Variants in TTLL1 observed in about 807,000 individuals in gnomAD.
The protein encoded by TTLL1 is polyglutamylase complex subunit TTLL1.
TTLL1 carries 33 observed loss-of-function variants against 47.8 expected under a neutral mutation model. That is an observed-to-expected ratio of 0.69 (90% CI 0.52 to 0.92). The LOEUF is 0.92. Ranked by LOEUF, TTLL1 falls within the 40% of genes least tolerant of loss-of-function variation. The pLI, the probability that TTLL1 is intolerant of heterozygous loss-of-function variation, is 0.00. For synonymous variants in TTLL1, 225 were observed against 214.1 expected, an observed-to-expected ratio of 1.05 and a Z score of -0.45; for missense variants, 488 against 547.5, an observed-to-expected ratio of 0.89 and a Z score of 1.08.
intron 2 of TTLL1, among the ~76,000 whole-genome samples, chr22:43,078,324 C>T (rs1205511714): frequency 5.3e-5 from 8 of 150,530 alleles, no homozygotes; most frequent in African/African-American, 9.8e-5. Context: ...GGGGAAACCC[C>T]GTCTCTACTA....
chr22:43,074,941 C>T (rs1324613553), intron 3 of TTLL1, among the ~76,000 whole-genome samples: 1 of 151,920 alleles, frequency 6.6e-6, no homozygotes, highest in Non-Finnish European at 1.5e-5. Flanking sequence ...TTTGGGAGGC[C>T]GAGGCGGGTG....
At chr22:43,056,284 G>C (rs1926996878) in intron 8 of TTLL1, among the ~76,000 whole-genome samples, 1 of 150,876 alleles carries the variant, frequency 6.6e-6, no homozygotes, top group African/African-American at 2.4e-5. Context: ...GCTTGAACCT[G>C]GGAGGCGGAG....
intron 1 of TTLL1, among the ~76,000 whole-genome samples, chr22:43,088,026 T>C (rs985311675): frequency 3.3e-5 from 5 of 151,000 alleles, no homozygotes; most frequent in African/African-American, 1.2e-4. Context: ...CGCGTGCCTG[T>C]AATCACAGCT....
intron 10 of TTLL1, among the ~76,000 whole-genome samples, chr22:43,041,741 CCT>C (rs1205132927): frequency 2.6e-5 from 4 of 152,058 alleles, no homozygotes; most frequent in Non-Finnish European, 5.9e-5. Flanking sequence ...GCCTCGAACC[CCT>C]GAGCTCAAGC....
intron 1 of TTLL1, among the ~76,000 whole-genome samples, chr22:43,083,023 T>A (rs147860656): frequency 4.9e-5 from 4 of 81,280 alleles, no homozygotes; most frequent in Non-Finnish European, 1.3e-4. Context: ...TCAAAAATAA[T>A]AAAATAATAA....
intron 10 of TTLL1, among the ~76,000 whole-genome samples, chr22:43,041,972 G>C (rs1925718365): frequency 6.6e-6 from 1 of 152,154 alleles, no homozygotes; most frequent in Non-Finnish European, 1.5e-5. Context: ...AAGCCGGACA[G>C]GACACCCCTG....
chr22:43,060,732 T>A (rs1569427235), intron 7 of TTLL1, among the ~76,000 whole-genome samples: 1 of 152,226 alleles, frequency 6.6e-6, no homozygotes, highest in African/African-American at 2.4e-5. Flanking sequence ...ATACAATGCT[T>A]ATCTTTGAAG....
chr22:43,064,269 G>C lies in TTLL1; in HGVS notation c.559C>G (p.Pro187Ala). ...AYVISLYINN[P>A]LLIGGRKFDL... ...AACTTCCTCCCGCCAATTAGTAACG[G>C]GTTGTTAATATAGAGAGAGATCACG... is the stretch of plus-strand genomic sequence containing the variant. Residue 187 changes from proline to alanine, a missense_variant, in exon 6 of 11, where the codon CCG (proline) becomes GCG (alanine). Transcript: ENST00000266254. The C allele has an allele frequency of 6.2e-7, 1 of 1,614,076 alleles. No individual in the cohort carries two copies. The highest frequency in any genetic ancestry group is 8.5e-7 in the Non-Finnish European group (1 of 1,180,010).
intron 1 of TTLL1, among the ~76,000 whole-genome samples, chr22:43,088,877 C>T (rs1929427957): frequency 6.6e-6 from 1 of 152,170 alleles, no homozygotes. Flanking sequence ...GTCCAGTCAT[C>T]TAGAGGGAAG....
intron 1 of TTLL1, among the ~76,000 whole-genome samples, chr22:43,084,995 T>C (rs1295597137): frequency 1.4e-5 from 2 of 138,122 alleles, no homozygotes; most frequent in African/African-American, 5.6e-5. Context: ...TGAGATGGCA[T>C]CTTGCTCTGT....
intron 1 of TTLL1, among the ~76,000 whole-genome samples, chr22:43,082,442 G>T (rs5759149): frequency 1.3e-5 from 2 of 152,046 alleles, no homozygotes; most frequent in African/African-American, 4.8e-5. Context: ...GGCGTGGGGC[G>T]TAGTGGCTCA....
intron 8 of TTLL1, among the ~76,000 whole-genome samples, chr22:43,057,095 C>T (rs1243575856): frequency 1.3e-5 from 2 of 152,136 alleles, no homozygotes; most frequent in East Asian, 3.9e-4. Context: ...CATGGTGAAA[C>T]TCTGTCAGTA....
intron 8 of TTLL1, among the ~76,000 whole-genome samples, chr22:43,053,220 G>A (rs1321934101): frequency 6.6e-6 from 1 of 152,102 alleles, no homozygotes; most frequent in Non-Finnish European, 1.5e-5. Context: ...AGTCAGTGAA[G>A]CATAGAGACG....
In TTLL1 at chr22:43,076,643, C is replaced by T. The variant is rs184289736; in HGVS notation, c.-4-1053G>A. Among the ~76,000 whole-genome samples the T allele has an allele frequency of 2.0e-3, 307 of 150,508 alleles. 2 individuals carry two copies. The highest frequency in any genetic ancestry group is 6.4e-3 in the African/African-American group (261 of 40,900). On this transcript the variant is annotated intron_variant, in intron 2 of 10. Transcript: ENST00000266254. Reference sequence around the variant, plus strand: ...GCATGCGCCTGTAATCCCAGCTACTCGGGAGGCTGAGGTAGGAGAATCACT... The same window carrying T: ...GCATGCGCCTGTAATCCCAGCTACTTGGGAGGCTGAGGTAGGAGAATCACT...
intron 9 of TTLL1, among the ~76,000 whole-genome samples, chr22:43,050,347 C>T (rs372486635): frequency 2.0e-5 from 3 of 150,864 alleles, no homozygotes; most frequent in African/African-American, 2.4e-5. Flanking sequence ...ACCCGGGAGG[C>T]GGAGGTTGCA....
At chr22:43,058,180 G>A (rs925707069) in intron 8 of TTLL1, among the ~76,000 whole-genome samples, 4 of 151,950 alleles carry the variant, frequency 2.6e-5, no homozygotes, top group South Asian at 2.1e-4. Flanking sequence ...TCCTGACCTC[G>A]TGATCTGCGC....
intron 2 of TTLL1, 127 bp downstream of exon 2, chr22:43,079,775 C>G (rs1928760473): frequency 6.6e-6 from 1 of 152,286 alleles, no homozygotes; most frequent in Admixed American, 6.5e-5. Context: ...CATCCTCATC[C>G]ACATTTCACT....
intron 10 of TTLL1, chr22:43,041,367 A>T (rs1296498245): frequency 6.6e-6 from 1 of 152,114 alleles, no homozygotes; most frequent in African/African-American, 2.4e-5. Context: ...GACTTCTGGA[A>T]AAGGGTGGAT....
intron 9 of TTLL1, among the ~76,000 whole-genome samples, chr22:43,048,964 A>C (rs566058197): frequency 1.3e-5 from 2 of 152,016 alleles, no homozygotes; most frequent in South Asian, 4.2e-4. Flanking sequence ...AAATACCCAA[A>C]ACACTAGGCT....
Sources: allele counts gnomAD v4.1 joint callset (sites outside exome capture counted in the v4.1 genomes callset), GRCh38; gene constraint gnomAD v4.1.1; transcripts MANE v1.5; gene names NCBI Gene and HGNC (gene_info 2026-07-23, HGNC 2026-07-21).